STRN3: variants seen among roughly 807,000 people sequenced by gnomAD.
STRN3 encodes striatin-3.
A neutral mutation model predicts 95.6 loss-of-function variants in STRN3; 29 were observed. That is an observed-to-expected ratio of 0.30 (90% CI 0.23 to 0.41). STRN3 has a LOEUF of 0.41. Among genes scored for constraint, STRN3 ranks in the 10% least tolerant of loss-of-function variants. STRN3 has a pLI of 1.00. For synonymous variants in STRN3, 331 were observed against 357.6 expected, an observed-to-expected ratio of 0.93 and a Z score of 0.84; for missense variants, 890 against 972.1, an observed-to-expected ratio of 0.92 and a Z score of 1.12.
chr14:30,951,908 G>A (rs1158601308), intron 3 of STRN3, among the ~76,000 whole-genome samples: 1 of 151,950 alleles, frequency 6.6e-6, no homozygotes, highest in Non-Finnish European at 1.5e-5. Flanking sequence ...ACTTGAGCAC[G>A]GGAATTCAAC....
At chr14:31,019,890 T>TC (rs1341724611) in intron 1 of STRN3, among the ~76,000 whole-genome samples, 1 of 151,416 alleles carries the variant, frequency 6.6e-6, no homozygotes, top group Non-Finnish European at 1.5e-5. Context: ...CATTTTCTTT[T>TC]TTTTTTTTTT....
At chr14:30,913,183 C>T (rs1896652972) in intron 10 of STRN3, among the ~76,000 whole-genome samples, 2 of 152,104 alleles carry the variant, frequency 1.3e-5, no homozygotes, top group African/African-American at 4.8e-5. Flanking sequence ...TTAAGAAGTA[C>T]TCTGAAGGCA....
rs202046409 is a variant in STRN3, at chr14:30,911,161, C to T, written c.1600G>A (p.Gly534Ser). The T allele has an allele frequency of 3.7e-6, 6 of 1,610,796 alleles. No individual in the cohort carries two copies. Among genetic ancestry groups the T allele is most frequent in the East Asian group, 2.2e-5 (1 of 44,852 alleles). The part of the protein sequence containing the change: ...EPIYTFRAHI[G>S]PVLSLAISSN... ...CTAATAGCTAATGACAGAACAGGGC[C>T]GCTATTGTAGGAAGAGAGGAAAAAC... The change falls in exon 13 of 18, where the codon GGC (glycine) becomes AGC (serine). Residue 534 changes from glycine (G) to serine (S), a missense_variant and splice_region_variant. Around this residue, in one of 3 missense-constraint regions of STRN3, gnomAD observed 357 missense variants for 422.8 expected, o/e 0.84. Transcript: ENST00000357479.
chr14:31,011,827 C>T (rs925156268), intron 1 of STRN3, among the ~76,000 whole-genome samples: 12 of 151,454 alleles, frequency 7.9e-5, no homozygotes, highest in African/African-American at 2.7e-4. Context: ...CGGATGTAAT[C>T]CCAGCACTTT....
intron 16 of STRN3, among the ~76,000 whole-genome samples, chr14:30,901,704 A>C: frequency 6.6e-6 from 1 of 152,264 alleles, no homozygotes; most frequent in African/African-American, 2.4e-5. Context: ...AAAGAGGCCC[A>C]AAACAAACAA....
intron 1 of STRN3, among the ~76,000 whole-genome samples, chr14:30,989,748 G>A (rs1317082669): frequency 6.6e-6 from 1 of 152,032 alleles, no homozygotes; most frequent in Non-Finnish European, 1.5e-5. Context: ...GTGAGCCACC[G>A]CGCCCGGACA....
At chr14:30,957,618 T>C (rs1250430147) in intron 1 of STRN3, among the ~76,000 whole-genome samples, 1 of 152,190 alleles carries the variant, frequency 6.6e-6, no homozygotes. Flanking sequence ...CTTTCTATTG[T>C]CATTTTTCCA....
chr14:30,936,382 A>C (rs1594461615), intron 6 of STRN3, 113 bp downstream of exon 6: 1 of 1,237,582 alleles, frequency 8.1e-7, no homozygotes, highest in East Asian at 2.5e-5. Flanking sequence ...CTTTTAACCA[A>C]TATGTAAAGT....
chr14:31,018,668 A>G (rs1883359396), intron 1 of STRN3: 1 of 467,638 alleles, frequency 2.1e-6, no homozygotes, highest in Admixed American at 2.5e-5. Flanking sequence ...CCAGTTTCAG[A>G]AAACAGTTGG....
chr14:31,003,014 A>G (rs576550667), intron 1 of STRN3, among the ~76,000 whole-genome samples: 1 of 152,270 alleles, frequency 6.6e-6, no homozygotes, highest in South Asian at 2.1e-4. Flanking sequence ...CTGTAATCCC[A>G]GCACTTTGGG....
rs754971964 is a variant in STRN3 at position 30,950,893 on chromosome 14, G to A, written c.512C>T (p.Thr171Met). 40 of 1,613,628 alleles carry A rather than the reference G, an allele frequency of 2.5e-5. No individual in the cohort carries two copies. The highest frequency in any genetic ancestry group is 1.0e-4 in the Admixed American group (6 of 59,980). The change falls in exon 4 of 18, where the codon ACG becomes ATG. Residue 171 changes from threonine (T) to methionine (M), a missense_variant. Coordinates refer to ENST00000357479, the MANE Select transcript of STRN3 (RefSeq NM_001083893.2). ...APTAPQNSQL[T>M]WKQGRQLLRQ... The stretch of plus-strand genomic sequence containing the variant: ...TAAAAGCTGTCTGCCTTGCTTCCAC[G>A]TTAACTGGCTATTCTGAGGTGCTGT...
At chr14:30,979,399 T>C (rs540447596) in intron 1 of STRN3, among the ~76,000 whole-genome samples, 14 of 152,298 alleles carry the variant, frequency 9.2e-5, no homozygotes, top group Admixed American at 7.2e-4. Context: ...TTTGTTTTTA[T>C]GTGCCCAACT....
intron 1 of STRN3, among the ~76,000 whole-genome samples, chr14:30,986,976 G>T (rs1411125693): frequency 6.6e-6 from 1 of 152,010 alleles, no homozygotes; most frequent in Non-Finnish European, 1.5e-5. Flanking sequence ...TCACTGTATG[G>T]AAGGATAATC....
intron 1 of STRN3, among the ~76,000 whole-genome samples, chr14:30,962,221 T>C (rs544564643): frequency 7.9e-5 from 12 of 152,112 alleles, no homozygotes; most frequent in Admixed American, 4.6e-4. Flanking sequence ...AGAAAGCTAA[T>C]AGAATAAAGA....
At chr14:30,980,542 G>A (rs1357447768) in intron 1 of STRN3, among the ~76,000 whole-genome samples, 3 of 151,764 alleles carry the variant, frequency 2.0e-5, no homozygotes, top group Non-Finnish European at 4.4e-5. Flanking sequence ...CGAGTTGCTG[G>A]GATTACAGGC....
In STRN3 at chr14:30,955,608, A is replaced by C. The variant is rs779146791; in HGVS notation, c.460+12T>G. 7.7e-6 allele frequency: 12 copies of C among 1,558,414 alleles called. No individual in the cohort carries two copies. Among genetic ancestry groups the C allele is most frequent in the South Asian group, 4.9e-5 (4 of 81,108 alleles). ...TTAAAAAAAAAAAAAGTAACAGAAG[A>C]AGCAAGTTTACCTGACTCAAAGGTT... On this transcript the variant is annotated intron_variant, in intron 3 of 17. Coordinates refer to ENST00000357479, the MANE Select transcript of STRN3 (RefSeq NM_001083893.2).
intron 1 of STRN3, among the ~76,000 whole-genome samples, chr14:31,012,511 A>G (rs2139324358): frequency 6.6e-6 from 1 of 152,366 alleles, no homozygotes; most frequent in Non-Finnish European, 1.5e-5. Flanking sequence ...ACGTTTTATG[A>G]AAATTTAACA....
chr14:30,966,936 G>C (rs937035140), intron 1 of STRN3, among the ~76,000 whole-genome samples: 1 of 152,032 alleles, frequency 6.6e-6, no homozygotes, highest in Non-Finnish European at 1.5e-5. Context: ...AAGGGGAAAG[G>C]GGGGAAGCAG....
rs562088339 is a variant in STRN3, at chr14:30,913,472, TAAG to T, written c.1374+49_1374+51del. ...CTGTTTTATAAGTGATTCCAAAAAATAAGGAGCCTTCTATTAAATCATTAAAAA... is the reference window on the plus strand; with the variant it reads ...CTGTTTTATAAGTGATTCCAAAAAATGAGCCTTCTATTAAATCATTAAAAA... On this transcript the variant is annotated intron_variant, in intron 10 of 17. Coordinates refer to ENST00000357479, the MANE Select transcript of STRN3 (RefSeq NM_001083893.2). 503 of 1,493,810 alleles carry T rather than the reference TAAG, an allele frequency of 3.4e-4. 3 individuals are homozygous for T. In the African/African-American group the frequency reaches 6.8e-3, roughly 20 times the overall value. The allele number at this position is 1,493,810 out of a possible 1,614,324, so 92.5% of individuals were successfully genotyped here. A position where few individuals can be genotyped will look rare whatever the true frequency, so the allele number is the denominator to read the frequency against.
Sources: allele counts gnomAD v4.1 joint callset (sites outside exome capture counted in the v4.1 genomes callset), GRCh38; gene constraint gnomAD v4.1.1; regional missense constraint gnomAD v4.1.1; transcripts MANE v1.5; gene names NCBI Gene and HGNC (gene_info 2026-07-23, HGNC 2026-07-21).